The following WSB1 variants were observed in gnomAD, a reference collection of about 807,000 sequenced individuals.
The protein encoded by WSB1 is WD repeat and SOCS box containing 1.
A neutral mutation model predicts 50.2 loss-of-function variants in WSB1; 23 were observed. That is an observed-to-expected ratio of 0.46 (90% confidence interval 0.33 to 0.65). The LOEUF (loss-of-function observed/expected upper bound fraction) is 0.65. WSB1 is among the 30% of genes least tolerant of loss of function. The pLI is 0.02. For missense variants in WSB1, 492 were observed against 522.3 expected (o/e 0.94, Z 0.56); for synonymous variants, 179 against 172.0 (o/e 1.04, Z -0.32).
intron 2 of WSB1, chr17:27,302,992 T>A (rs576952714): frequency 1.3e-4 from 22 of 172,660 alleles, no homozygotes; most frequent in Non-Finnish European, 2.6e-4. Flanking sequence ...TTTTCTGATA[T>A]CAGCTTGACC....
chr17:27,295,999 A>T (rs2016957017), intron 1 of WSB1, among the ~76,000 whole-genome samples: 1 of 151,922 alleles, frequency 6.6e-6, no homozygotes, highest in Admixed American at 6.6e-5. Context: ...ACGCCCGGCT[A>T]ATTTTTGTGT....
At chr17:27,309,938 C>A in intron 6 of WSB1, 123 bp from the exon 7 acceptor site, 1 of 707,450 alleles carries the variant, frequency 1.4e-6, no homozygotes. Flanking sequence ...TCTACTGAGT[C>A]TTCTCAGTTA....
chr17:27,296,323 T>C (rs143593053), intron 1 of WSB1, among the ~76,000 whole-genome samples: 5 of 152,234 alleles, frequency 3.3e-5, no homozygotes, highest in African/African-American at 4.8e-5. Context: ...GTGCCAGATA[T>C]CTAGAAGAAC....
chr17:27,298,555 TA>T (rs1266559243), intron 1 of WSB1, among the ~76,000 whole-genome samples: 1 of 151,898 alleles, frequency 6.6e-6, no homozygotes, highest in Non-Finnish European at 1.5e-5. Context: ...ACCCTGTCTA[TA>T]AAAAATTGTT....
intron 5 of WSB1, 80 bp downstream of exon 5, chr17:27,306,962 C>T (rs765038872): frequency 3.7e-6 from 5 of 1,361,390 alleles, no homozygotes; most frequent in Non-Finnish European, 5.2e-6. Context: ...TCTAAGTAAC[C>T]TATGAAGTCT....
chr17:27,311,443 AT>A, intron 7 of WSB1, 65 bp from the exon 8 acceptor site: 1 of 1,339,574 alleles, frequency 7.5e-7, no homozygotes, highest in Non-Finnish European at 1.0e-6. Context: ...TTCTTTCTAA[AT>A]TTTAAAAAAG....
intron 6 of WSB1, among the ~76,000 whole-genome samples, chr17:27,309,631 G>A (rs1349042269): frequency 6.6e-6 from 1 of 150,788 alleles, no homozygotes; most frequent in Non-Finnish European, 1.5e-5. Flanking sequence ...TCGCCAGGCT[G>A]GAGTGCAGTG....
intron 5 of WSB1, chr17:27,308,814 T>G: frequency 2.9e-6 from 3 of 1,031,044 alleles, no homozygotes; most frequent in Non-Finnish European, 3.5e-6. Flanking sequence ...AATAAATGGA[T>G]TTCAGTATAG....
rs1314484576 is a variant in WSB1, at chr17:27,312,273, A to G, written c.1170A>G (p.Leu390=). The part of the protein sequence containing the change: ...TPRQVPSLQH[L]CRMSIRRVMP... Reference sequence around the variant, plus strand: ...GGCAGGTCCCTAGCCTGCAACATTTATGTCGCATGTCAATCCGAAGAGTGA... The same window carrying G: ...GGCAGGTCCCTAGCCTGCAACATTTGTGTCGCATGTCAATCCGAAGAGTGA... Residue 390 remains leucine (L), a synonymous_variant, in exon 9 of 9, where the codon TTA becomes TTG. Coordinates refer to ENST00000262394, the MANE Select transcript of WSB1 (RefSeq NM_015626.10). The G allele has an allele frequency of 1.9e-6, 3 of 1,614,132 alleles. No homozygotes were observed. Among genetic ancestry groups the G allele is most frequent in the East Asian group, 2.2e-5 (1 of 44,880 alleles).
At position 27,303,396 on chromosome 17, in the gene WSB1, A is replaced by G. The variant is rs771554245; in HGVS notation, c.239A>G (p.Asn80Ser). Residue 80 changes from asparagine to serine, a missense_variant, in exon 3 of 9, where the codon AAT (asparagine) becomes AGT (serine). Asn to Ser is a conservative substitution (Grantham distance 46). Coordinates refer to ENST00000262394, the MANE Select transcript of WSB1 (RefSeq NM_015626.10). ...FLLHGTKNVT[N>S]SSSLRLPRQN... is the part of the protein sequence containing the mutation. ...TTGCATGGCACCAAGAATGTTACCA[A>G]TTCAAGCAGTTTAAGATTGCCAAGA... 1.9e-6 allele frequency: 3 copies of G among 1,613,928 alleles called. No homozygotes were observed. The highest frequency in any genetic ancestry group is 4.5e-5 in the East Asian group (2 of 44,886).
At chr17:27,295,374 T>C (rs1181466116) in intron 1 of WSB1, among the ~76,000 whole-genome samples, 2 of 152,194 alleles carry the variant, frequency 1.3e-5, no homozygotes, top group African/African-American at 4.8e-5. Flanking sequence ...GAGGAGTTAT[T>C]TCTAGAGAAG....
At position 27,306,875 on chromosome 17, in the gene WSB1, G is replaced by A; in HGVS notation, c.704G>A (p.Ser235Asn). Residue 235 changes from serine (S) to asparagine (N), a missense_variant, in exon 5 of 9, where the codon AGT becomes AAT. Ser to Asn is a conservative substitution (Grantham distance 46, BLOSUM62 1). Coordinates refer to ENST00000262394, the MANE Select transcript of WSB1 (RefSeq NM_015626.10). ...DSSMLCSVGA[S>N]KAVFLWNMDK... Reference sequence around the variant, plus strand: ...TCTATGCTGTGTTCAGTCGGAGCCAGTAAAGCAGTACGTGTCAAAGTTCTT... The same window carrying A: ...TCTATGCTGTGTTCAGTCGGAGCCAATAAAGCAGTACGTGTCAAAGTTCTT... 1 of 1,614,126 alleles carries A rather than the reference G, an allele frequency of 6.2e-7. No homozygotes were observed.
intron 1 of WSB1, among the ~76,000 whole-genome samples, chr17:27,301,116 C>T (rs1221528583): frequency 6.6e-6 from 1 of 152,050 alleles, no homozygotes; most frequent in African/African-American, 2.4e-5. Flanking sequence ...TCAAGTGATC[C>T]GCTTGTCTTG....
chr17:27,303,160 C>T (rs889731470), intron 2 of WSB1: 3 of 532,622 alleles, frequency 5.6e-6, no homozygotes, highest in Non-Finnish European at 9.4e-6. Context: ...GTTGAACTTA[C>T]TACTCAGTCA....
rs2017567441 is a variant in WSB1 at position 27,309,097 on chromosome 17, C to T, written c.712-3C>T. 1 of 1,589,588 alleles carries T rather than the reference C, an allele frequency of 6.3e-7. No homozygotes were observed. The highest frequency in any genetic ancestry group is 1.3e-5 in the African/African-American group (1 of 74,372). On this transcript the variant is annotated splice_polypyrimidine_tract_variant and splice_region_variant and intron_variant, in intron 5 of 8. Transcript: ENST00000262394. ...AGCTATAACATTTGCCTTTTTATTGCAGGTTTTCCTTTGGAATATGGATAA... is the reference window on the plus strand; with the variant it reads ...AGCTATAACATTTGCCTTTTTATTGTAGGTTTTCCTTTGGAATATGGATAA...
chr17:27,306,095 A>C (rs980168129), intron 4 of WSB1, among the ~76,000 whole-genome samples: 3 of 152,100 alleles, frequency 2.0e-5, no homozygotes, highest in African/African-American at 7.2e-5. Context: ...GTTCTCAAAA[A>C]TGAAGAATGA....
At chr17:27,308,375 A>G in intron 5 of WSB1, 1 of 985,402 alleles carries the variant, frequency 1.0e-6, no homozygotes, top group Non-Finnish European at 1.2e-6. Context: ...ATTGTATATG[A>G]ACTTATTCTT....
At chr17:27,300,289 A>G (rs2017173181) in intron 1 of WSB1, among the ~76,000 whole-genome samples, 1 of 152,164 alleles carries the variant, frequency 6.6e-6, no homozygotes, top group African/African-American at 2.4e-5. Context: ...GAAATACATA[A>G]AAATATATTA....
chr17:27,294,318 A>ACGCC lies in WSB1; in HGVS notation c.-76_-73dup. 1 of 1,574,802 alleles carries ACGCC rather than the reference A, an allele frequency of 6.3e-7. No individual in the cohort carries two copies. Among genetic ancestry groups the ACGCC allele is most frequent in the South Asian group, 1.1e-5 (1 of 87,818 alleles). On this transcript the variant is annotated 5_prime_UTR_variant, in exon 1 of 9. Transcript: ENST00000262394. Reference sequence around the variant, plus strand: ...GCCCGGGAGGGACCAACTTGGCGTCACGCCCCTCAGCGGTCGCCACTCTCT... The same window carrying ACGCC: ...GCCCGGGAGGGACCAACTTGGCGTCACGCCCGCCCCTCAGCGGTCGCCACTCTCT...
Sources: allele counts gnomAD v4.1 joint callset (sites outside exome capture counted in the v4.1 genomes callset), GRCh38; gene constraint gnomAD v4.1.1; transcripts MANE v1.5; gene names NCBI Gene and HGNC (gene_info 2026-07-23, HGNC 2026-07-21).